The following AK8 variants were observed in gnomAD, a reference collection of about 807,000 sequenced individuals.
AK8 encodes the protein adenylate kinase 8.
AK8 carries 44 observed loss-of-function variants against 54.6 expected under a neutral mutation model. The observed-to-expected ratio is 0.81, with a 90% CI of 0.63 to 1.04. The LOEUF is 1.04. AK8 is among the 50% of genes least tolerant of loss of function. AK8 has a pLI of 0.00. For missense variants in AK8, 555 were observed against 613.6 expected (o/e 0.90, Z 1.01); for synonymous variants, 239 against 245.6 (o/e 0.97, Z 0.25).
chr9:132,728,871 T>C (rs1252164388), intron 11 of AK8, among the ~76,000 whole-genome samples: 1 of 151,764 alleles, frequency 6.6e-6, no homozygotes, highest in Non-Finnish European at 1.5e-5. Flanking sequence ...ACCCCCCTTT[T>C]TAGGGCAATG....
chr9:132,826,807 C>T lies in AK8; in HGVS notation c.757+47G>A. 2 of 1,591,998 alleles carry T rather than the reference C, an allele frequency of 1.3e-6. No individual in the cohort carries two copies. Among genetic ancestry groups the T allele is most frequent in the Non-Finnish European group, 1.7e-6 (2 of 1,160,178 alleles). On this transcript the variant is annotated intron_variant, in intron 8 of 12. Coordinates refer to ENST00000298545, the MANE Select transcript of AK8 (RefSeq NM_152572.3). This position sits in a 1 kb window ranked among gnomAD's most constrained non-coding sequence, Gnocchi z 4.5. ...AAAGTGGTAGAAGGCACAGCGAGCC[C>T]CGCCCTTGGCCGTCTGTCCAGGGTG...
chr9:132,766,886 G>A (rs937333046), intron 11 of AK8, among the ~76,000 whole-genome samples: 2 of 152,198 alleles, frequency 1.3e-5, no homozygotes, highest in Admixed American at 1.3e-4. Context: ...AGAAGGGGCA[G>A]TCTCTTCAAT....
intron 10 of AK8, among the ~76,000 whole-genome samples, chr9:132,798,696 T>G (rs901442098): frequency 3.4e-4 from 52 of 151,668 alleles, no homozygotes; most frequent in African/African-American, 6.5e-4. Flanking sequence ...TTTGTTTTTT[T>G]TTTTTTTTTT....
At chr9:132,804,061 G>A (rs1044690055) in intron 10 of AK8, among the ~76,000 whole-genome samples, 1 of 147,334 alleles carries the variant, frequency 6.8e-6, no homozygotes, top group African/African-American at 2.5e-5. Context: ...AGCCGAGATC[G>A]CGCCACTGCG....
chr9:132,828,186 T>C (rs1334404488), intron 6 of AK8, 102 bp from the exon 7 acceptor site: 2 of 1,067,688 alleles, frequency 1.9e-6, no homozygotes, highest in East Asian at 2.6e-5. Flanking sequence ...TTTGCTTTTC[T>C]GTATAATGAC....
Position 132,738,213 on chromosome 9 carries a change from C to T in AK8, c.1122-10679G>A, listed in dbSNP as rs185352511. ...TGACTACAGGCGTGTGCCACCACGC[C>T]CGGCTAATTTTTTGTATTTTTAGTA... On this transcript the variant is annotated intron_variant, in intron 11 of 12. Coordinates refer to ENST00000298545, the MANE Select transcript of AK8 (RefSeq NM_152572.3). 3.3e-3 allele frequency among the ~76,000 whole-genome samples: 509 copies of T among 152,126 alleles called. 6 individuals carry two copies. In the Middle Eastern group the frequency reaches 0.041, roughly 12 times the overall value.
intron 5 of AK8, among the ~76,000 whole-genome samples, chr9:132,839,881 G>A (rs985343561): frequency 4.6e-5 from 7 of 151,148 alleles, no homozygotes; most frequent in South Asian, 2.1e-4. Context: ...GCAGTGGCGC[G>A]ATCTCGGCTC....
At chr9:132,814,271 CCT>C (rs1330508118) in intron 10 of AK8, among the ~76,000 whole-genome samples, 5 of 115,098 alleles carry the variant, frequency 4.3e-5, no homozygotes, top group African/African-American at 1.4e-4. Flanking sequence ...AGATTGATAC[CCT>C]GTCTCAAAAA....
chr9:132,748,657 C>T (rs903441324), intron 11 of AK8, among the ~76,000 whole-genome samples: 4 of 152,022 alleles, frequency 2.6e-5, no homozygotes, highest in Non-Finnish European at 4.4e-5. Flanking sequence ...GCTTTTACCA[C>T]GTGTGTTTAG....
intron 11 of AK8, among the ~76,000 whole-genome samples, chr9:132,756,130 C>G (rs1838178817): frequency 6.6e-6 from 1 of 152,198 alleles, no homozygotes; most frequent in Non-Finnish European, 1.5e-5. Context: ...CCATTGCCAC[C>G]TTTACAGACA....
chr9:132,735,465 C>T (rs911951922), intron 11 of AK8, among the ~76,000 whole-genome samples: 3 of 152,122 alleles, frequency 2.0e-5, no homozygotes, highest in African/African-American at 7.2e-5. Flanking sequence ...ACCAATAAGC[C>T]TCCATGATTG....
intron 2 of AK8, among the ~76,000 whole-genome samples, chr9:132,867,761 G>A (rs1179621993): frequency 6.6e-6 from 1 of 152,244 alleles, no homozygotes; most frequent in African/African-American, 2.4e-5. Flanking sequence ...AGGCCTCCCA[G>A]GGCCCTCCCT....
chr9:132,878,794 T>A (rs1388893193), upstream of AK8: 2 of 984,764 alleles, frequency 2.0e-6, no homozygotes, highest in Non-Finnish European at 2.4e-6. This position sits in a 1 kb window ranked among gnomAD's most constrained non-coding sequence, Gnocchi z 4.7. Flanking sequence ...CCCTCCCAGC[T>A]CCCCGGCTCT....
chr9:132,876,325 T>C (rs977769689), intron 1 of AK8, among the ~76,000 whole-genome samples: 2 of 151,980 alleles, frequency 1.3e-5, no homozygotes, highest in African/African-American at 2.4e-5. Context: ...GTTTAAATCA[T>C]TGTGTATTTA....
At chr9:132,836,441 A>G (rs187579559) in intron 5 of AK8, among the ~76,000 whole-genome samples, 9 of 152,368 alleles carry the variant, frequency 5.9e-5, no homozygotes, top group South Asian at 4.1e-4. Context: ...GTAGAACTTA[A>G]TATTAAAAAA....
chr9:132,776,009 G>C (rs1454706696), intron 11 of AK8, among the ~76,000 whole-genome samples: 6 of 152,190 alleles, frequency 3.9e-5, no homozygotes, highest in African/African-American at 1.2e-4. Flanking sequence ...CATAAACTAA[G>C]TTTTAACCCG....
At chr9:132,855,527 G>A (rs1266084906) in intron 4 of AK8, among the ~76,000 whole-genome samples, 6 of 152,106 alleles carry the variant, frequency 3.9e-5, no homozygotes, top group African/African-American at 9.7e-5. Context: ...AATTGGCCAC[G>A]GTGGGAGTGT....
At chr9:132,846,819 G>A (rs1030340055) in intron 5 of AK8, among the ~76,000 whole-genome samples, 18 of 152,226 alleles carry the variant, frequency 1.2e-4, no homozygotes, top group African/African-American at 3.9e-4. Flanking sequence ...CAGCCCTGCC[G>A]CTTCCCCCGG....
intron 11 of AK8, among the ~76,000 whole-genome samples, chr9:132,755,699 A>G (rs1164354171): frequency 5.3e-5 from 8 of 152,152 alleles, no homozygotes; most frequent in Admixed American, 5.2e-4. Flanking sequence ...AGGGCCAAAG[A>G]GAACACCAGA....
Sources: allele counts gnomAD v4.1 joint callset (sites outside exome capture counted in the v4.1 genomes callset), GRCh38; gene constraint gnomAD v4.1.1; non-coding constraint Gnocchi (gnomAD v3.1); transcripts MANE v1.5; gene names NCBI Gene and HGNC (gene_info 2026-07-23, HGNC 2026-07-21).